Variants in GALNT18 observed in about 807,000 individuals in gnomAD.
GALNT18 encodes the protein polypeptide N-acetylgalactosaminyltransferase 18, also known as GalNAc-transferase 18.
A neutral mutation model predicts 69.5 loss-of-function variants in GALNT18; 44 were observed. The observed-to-expected ratio is 0.63, with a 90% CI of 0.50 to 0.81. The LOEUF (loss-of-function observed/expected upper bound fraction) is 0.81, where lower values mean the gene tolerates loss of function less well. Ranked by LOEUF, GALNT18 falls within the 40% of genes least tolerant of loss-of-function variation. The probability of loss-of-function intolerance (pLI) is 0.00; values close to 1 mark genes in which losing one functional copy is unlikely to be tolerated. For synonymous variants in GALNT18, 364 were observed against 318.2 expected (o/e 1.14, Z -1.53); for missense variants, 715 against 810.0 (o/e 0.88, Z 1.42).
chr11:11,332,027 G>A lies in GALNT18; in HGVS notation c.1416+667C>T, dbSNP rs1850025100. Among the ~76,000 whole-genome samples, 1 of 151,792 alleles carries A rather than the reference G, an allele frequency of 6.6e-6. No individual in the cohort carries two copies. The highest frequency in any genetic ancestry group is 1.5e-5 in the Non-Finnish European group (1 of 67,946). The stretch of plus-strand genomic sequence containing the variant: ...AATCTTAGATTTTCTTTTACTCTAC[G>A]GGGATAGTATTGAATTACCCCCATT... On this transcript the variant is annotated intron_variant, in intron 8 of 10. Transcript: ENST00000227756. The surrounding 1 kb of genome is among the most constrained non-coding windows in gnomAD (Gnocchi z 4.3).
chr11:11,284,344 A>G (rs1265651701), intron 10 of GALNT18, among the ~76,000 whole-genome samples: 1 of 152,144 alleles, frequency 6.6e-6, no homozygotes, highest in African/African-American at 2.4e-5. Context: ...GGCTTTTTAA[A>G]CTATAGATCA....
chr11:11,325,887 G>A (rs957953586), intron 9 of GALNT18, among the ~76,000 whole-genome samples: 6 of 152,068 alleles, frequency 3.9e-5, no homozygotes, highest in South Asian at 2.1e-4. Flanking sequence ...GGTAGAGGTC[G>A]CAATGGACAA....
chr11:11,448,924 T>C lies in GALNT18; in HGVS notation c.248A>G (p.Lys83Arg). The C allele has an allele frequency of 6.3e-7, 1 of 1,589,136 alleles. No individual in the cohort carries two copies. The highest frequency in any genetic ancestry group is 8.6e-7 in the Non-Finnish European group (1 of 1,168,148). Residue 83 changes from lysine (K) to arginine (R), a missense_variant, in exon 2 of 11, where the codon AAG becomes AGG. Lys to Arg is a conservative substitution (Grantham distance 26). Transcript: ENST00000227756. ...IKQHIQEAPA[K>R]PEEAEAEPFT... ...GGGCTCGGCCTCTGCCTCCTCAGGC[T>C]TGGCAGGAGCCTCTGGAGAAAGAAG...
chr11:11,596,555 T>C lies in GALNT18; in HGVS notation c.235+24804A>G, dbSNP rs1565033661. 6.6e-6 allele frequency among the ~76,000 whole-genome samples: 1 copy of C among 152,196 alleles called. No individual in the cohort carries two copies. The highest frequency in any genetic ancestry group is 1.5e-5 in the Non-Finnish European group (1 of 68,010). On this transcript the variant is annotated intron_variant, in intron 1 of 10. Coordinates refer to ENST00000227756, the MANE Select transcript of GALNT18 (RefSeq NM_198516.3). This position sits in a 1 kb window ranked among gnomAD's most constrained non-coding sequence, Gnocchi z 4.2. ...AACTTTTTCAACAATGTTTTGTAGT[T>C]TTCAGAGTATGAGTTTCTGCACTTT... is the stretch of plus-strand genomic sequence containing the variant.
rs556460967 is a variant in GALNT18 at position 11,454,078 on chromosome 11, G to T, written c.236-5142C>A. Among the ~76,000 whole-genome samples the T allele has an allele frequency of 6.6e-6, 1 of 152,138 alleles. No individual in the cohort carries two copies. The highest frequency in any genetic ancestry group is 2.4e-5 in the African/African-American group (1 of 41,414). ...ACGAATAGGGCATTAGCAGTGGGTCGTCGTGAGGTCAGAAAACTCCCTGCC... is the reference window on the plus strand; with the variant it reads ...ACGAATAGGGCATTAGCAGTGGGTCTTCGTGAGGTCAGAAAACTCCCTGCC... On this transcript the variant is annotated intron_variant, in intron 1 of 10. Transcript: ENST00000227756. This position sits in a 1 kb window ranked among gnomAD's most constrained non-coding sequence, Gnocchi z 4.2.
chr11:11,509,139 C>T (rs1857123312), intron 1 of GALNT18, among the ~76,000 whole-genome samples: 1 of 151,980 alleles, frequency 6.6e-6, no homozygotes, highest in South Asian at 2.1e-4. Context: ...TCTCATCTTT[C>T]ACAAGTGTTT....
chr11:11,376,543 A>G (rs1853766188), intron 5 of GALNT18, among the ~76,000 whole-genome samples: 1 of 152,184 alleles, frequency 6.6e-6, no homozygotes, highest in Non-Finnish European at 1.5e-5. Flanking sequence ...ATGCAGTATG[A>G]AGTCACTTTT....
chr11:11,395,076 T>C (rs1854295643), intron 3 of GALNT18, among the ~76,000 whole-genome samples: 1 of 152,248 alleles, frequency 6.6e-6, no homozygotes, highest in Admixed American at 6.5e-5. Context: ...TTCCTGAATA[T>C]TCATTCACTC....
At chr11:11,490,219 TCTCTCTCTCTCTCTAACACACA>T (rs1429126408) in intron 1 of GALNT18, among the ~76,000 whole-genome samples, 1 of 78,428 alleles carries the variant, frequency 1.3e-5, no homozygotes, top group Admixed American at 1.8e-4. Context: ...TCTCTCTCTC[TCTCTCTCTCTCTCTAACACACA>T]CACACACACA....
Position 11,616,023 on chromosome 11 carries a change from T to TG in GALNT18, c.235+5335dup, listed in dbSNP as rs570469286. Among the ~76,000 whole-genome samples the TG allele has an allele frequency of 1.9e-3, 283 of 152,234 alleles. 2 individuals carry two copies. The highest frequency in any genetic ancestry group is 6.5e-3 in the African/African-American group (271 of 41,538). ...CTTCTTCTTTTTTTCTTTGTAGAGA[T>TG]GGGGGTCTCACCATGTTGTCCAGGT... On this transcript the variant is annotated intron_variant, in intron 1 of 10. Transcript: ENST00000227756. This position sits in a 1 kb window ranked among gnomAD's most constrained non-coding sequence, Gnocchi z 4.4.
Position 11,430,612 on chromosome 11 carries a change from C to T in GALNT18, c.595+2009G>A, listed in dbSNP as rs1415147397. Among the ~76,000 whole-genome samples, 1 of 152,216 alleles carries T rather than the reference C, an allele frequency of 6.6e-6. No homozygotes were observed. Among genetic ancestry groups the T allele is most frequent in the African/African-American group, 2.4e-5 (1 of 41,470 alleles). The stretch of plus-strand genomic sequence containing the variant: ...CTGCACCAGGGCATTGCTCCTGCTG[C>T]CTGCCTCTTCTGGGGCAATGCATTG... On this transcript the variant is annotated intron_variant, in intron 3 of 10. Coordinates refer to ENST00000227756, the MANE Select transcript of GALNT18 (RefSeq NM_198516.3). The surrounding 1 kb of genome is among the most constrained non-coding windows in gnomAD (Gnocchi z 4.9).
chr11:11,447,827 A>G (rs192007958), intron 2 of GALNT18, among the ~76,000 whole-genome samples: 56 of 152,352 alleles, frequency 3.7e-4, no homozygotes, highest in African/African-American at 1.3e-3. Context: ...TATGGGAACT[A>G]CAATTCAAGA....
At position 11,564,959 on chromosome 11, in the gene GALNT18, A is replaced by C. The variant is rs1858606812; in HGVS notation, c.235+56400T>G. 6.6e-6 allele frequency among the ~76,000 whole-genome samples: 1 copy of C among 152,134 alleles called. No homozygotes were observed. The highest frequency in any genetic ancestry group is 1.5e-5 in the Non-Finnish European group (1 of 68,020). ...TTGGACAGCCCTGATCTAGACCCTAACCCCAAACTCCAGCACTGCAGAAGA... is the reference window on the plus strand; with the variant it reads ...TTGGACAGCCCTGATCTAGACCCTACCCCCAAACTCCAGCACTGCAGAAGA... On this transcript the variant is annotated intron_variant, in intron 1 of 10. Transcript: ENST00000227756. The surrounding 1 kb of genome is among the most constrained non-coding windows in gnomAD (Gnocchi z 4.3).
At chr11:11,424,262 G>T (rs1050531666) in intron 3 of GALNT18, among the ~76,000 whole-genome samples, 3 of 152,200 alleles carry the variant, frequency 2.0e-5, no homozygotes, top group Non-Finnish European at 4.4e-5. Flanking sequence ...AGAAGCAATG[G>T]GGTGGGCTGG....
chr11:11,321,907 T>C (rs1002817232), intron 9 of GALNT18, among the ~76,000 whole-genome samples: 3 of 152,176 alleles, frequency 2.0e-5, no homozygotes, highest in African/African-American at 7.2e-5. Flanking sequence ...ACCTGGCCTA[T>C]GGGTAGGTTT....
intron 1 of GALNT18, among the ~76,000 whole-genome samples, chr11:11,452,541 A>T (rs1440050143): frequency 2.0e-5 from 3 of 152,238 alleles, no homozygotes; most frequent in African/African-American, 7.2e-5. Flanking sequence ...TTCCAGCCCC[A>T]CATGAAGGCT....
intron 1 of GALNT18, among the ~76,000 whole-genome samples, chr11:11,473,876 C>T (rs535752736): frequency 5.3e-5 from 8 of 152,224 alleles, no homozygotes; most frequent in African/African-American, 1.7e-4. Flanking sequence ...ATCAGCCTGG[C>T]CAACATGGTG....
At position 11,617,050 on chromosome 11, in the gene GALNT18, A is replaced by G. The variant is rs974636199; in HGVS notation, c.235+4309T>C. Among the ~76,000 whole-genome samples the G allele has an allele frequency of 2.6e-5, 4 of 152,246 alleles. No individual in the cohort carries two copies. Among genetic ancestry groups the G allele is most frequent in the African/African-American group, 7.2e-5 (3 of 41,478 alleles). Reference sequence around the variant, plus strand: ...CACCTTTAAGTTTCCAATGAATTTTAAAGAAAACAGAACTATGGGATATTA... The same window carrying G: ...CACCTTTAAGTTTCCAATGAATTTTGAAGAAAACAGAACTATGGGATATTA... On this transcript the variant is annotated intron_variant, in intron 1 of 10. Transcript: ENST00000227756. This position sits in a 1 kb window ranked among gnomAD's most constrained non-coding sequence, Gnocchi z 4.7.
Position 11,604,898 on chromosome 11 carries a change from C to T in GALNT18, c.235+16461G>A, listed in dbSNP as rs7928310. On this transcript the variant is annotated intron_variant, in intron 1 of 10. Coordinates refer to ENST00000227756, the MANE Select transcript of GALNT18 (RefSeq NM_198516.3). This position sits in a 1 kb window ranked among gnomAD's most constrained non-coding sequence, Gnocchi z 5.6. ...TGAAAAGGAAAATAAAATCACTGCT[C>T]TCCTCGGTTGACCCACTGGCTATTG... Among the ~76,000 whole-genome samples, 22,373 of 152,010 alleles carry T rather than the reference C, an allele frequency of 0.15. 1,777 individuals are homozygous for T. Among genetic ancestry groups the T allele is most frequent in the African/African-American group, 0.21 (8,903 of 41,414 alleles).
Sources: gnomAD v4.1 joint callset for allele counts (sites outside exome capture counted in the v4.1 genomes callset) on GRCh38, gnomAD v4.1.1 for gene constraint, Gnocchi (gnomAD v3.1) non-coding constraint, MANE v1.5 for transcripts, NCBI Gene and HGNC (gene_info 2026-07-23, HGNC 2026-07-21) for gene names.